The following ADGRL3 variants were observed in gnomAD, a reference collection of about 807,000 sequenced individuals.
The protein encoded by ADGRL3 is adhesion G protein-coupled receptor L3.
A neutral mutation model predicts 153.5 loss-of-function variants in ADGRL3; 62 were observed. That is an observed-to-expected ratio of 0.40 (90% CI 0.33 to 0.50). The LOEUF is 0.50. Ranked by LOEUF, ADGRL3 falls within the 20% of genes least tolerant of loss-of-function variation. The pLI is 0.47. For missense variants in ADGRL3, 1,641 were observed against 1,859.4 expected (o/e 0.88, Z 2.16); for synonymous variants, 710 against 672.5 (o/e 1.06, Z -0.86).
chr4:61,458,086 T>G (rs2097773387), intron 2 of ADGRL3, among the ~76,000 whole-genome samples: 1 of 151,858 alleles, frequency 6.6e-6, no homozygotes, highest in African/African-American at 2.4e-5. Context: ...AGCAACTACC[T>G]AAAAATAGAT....
intron 1 of ADGRL3, among the ~76,000 whole-genome samples, chr4:61,284,329 A>C (rs2093844458): frequency 6.6e-6 from 1 of 151,882 alleles, no homozygotes; most frequent in Admixed American, 6.6e-5. Flanking sequence ...CATAGACTCA[A>C]CTTCCTTAAC....
intron 4 of ADGRL3, among the ~76,000 whole-genome samples, chr4:61,544,833 A>G (rs2148693565): frequency 6.6e-6 from 1 of 152,196 alleles, no homozygotes; most frequent in East Asian, 1.9e-4. Context: ...TAAACTCTTT[A>G]TTCTCTTTCA....
chr4:61,449,137 T>A (rs2097642194), intron 2 of ADGRL3, among the ~76,000 whole-genome samples: 1 of 152,026 alleles, frequency 6.6e-6, no homozygotes, highest in South Asian at 2.1e-4. Flanking sequence ...TTTAATTTAA[T>A]TAATTAATTT....
At chr4:62,027,333 C>T (rs1043968386) in intron 21 of ADGRL3, among the ~76,000 whole-genome samples, 1 of 151,962 alleles carries the variant, frequency 6.6e-6, no homozygotes, top group Non-Finnish European at 1.5e-5. Flanking sequence ...TGTCCCCGTC[C>T]AGTACTGACC....
chr4:61,708,713 T>C (rs1241190292), intron 6 of ADGRL3, among the ~76,000 whole-genome samples: 2 of 152,092 alleles, frequency 1.3e-5, no homozygotes, highest in African/African-American at 4.8e-5. Context: ...GTATTTTCTA[T>C]TTATACGGGT....
chr4:61,911,022 A>G (rs1437854306), intron 12 of ADGRL3, among the ~76,000 whole-genome samples: 1 of 152,098 alleles, frequency 6.6e-6, no homozygotes, highest in Non-Finnish European at 1.5e-5. Context: ...TGCCCTTGAT[A>G]GAATCACAAC....
intron 1 of ADGRL3, among the ~76,000 whole-genome samples, chr4:61,214,101 CTT>C (rs1741490375): frequency 6.6e-6 from 1 of 152,224 alleles, no homozygotes; most frequent in Non-Finnish European, 1.5e-5. Context: ...TTTACTAACT[CTT>C]TGGTTATTCT....
chr4:61,456,434 T>G (rs761645230), intron 2 of ADGRL3, among the ~76,000 whole-genome samples: 28 of 123,772 alleles, frequency 2.3e-4, no homozygotes, highest in East Asian at 6.6e-4. Context: ...TATATCTATA[T>G]ATATAGATAT....
chr4:61,904,194 C>T (rs1370942341), intron 11 of ADGRL3, among the ~76,000 whole-genome samples: 1 of 94,472 alleles, frequency 1.1e-5, no homozygotes, highest in Admixed American at 1.1e-4. Context: ...AAAAAAAAAA[C>T]ACTTCTTGAA....
intron 2 of ADGRL3, among the ~76,000 whole-genome samples, chr4:61,456,317 A>C (rs528299448): frequency 6.7e-6 from 1 of 148,208 alleles, no homozygotes; most frequent in South Asian, 2.1e-4. Flanking sequence ...CTAGTTTCAC[A>C]TATATTTAAT....
At chr4:61,955,160 A>T (rs1281384118) in intron 17 of ADGRL3, among the ~76,000 whole-genome samples, 1 of 152,098 alleles carries the variant, frequency 6.6e-6, no homozygotes, top group East Asian at 1.9e-4. Context: ...TCCTATTTTG[A>T]TTATTTGTTC....
chr4:62,026,523 T>C (rs1342399622), intron 21 of ADGRL3, among the ~76,000 whole-genome samples: 11 of 152,112 alleles, frequency 7.2e-5, no homozygotes, highest in Non-Finnish European at 4.4e-5. Context: ...AATTGCACCC[T>C]GATATCTCTA....
intron 9 of ADGRL3, among the ~76,000 whole-genome samples, chr4:61,815,829 G>A (rs1324322299): frequency 6.6e-6 from 1 of 152,166 alleles, no homozygotes; most frequent in Non-Finnish European, 1.5e-5. Flanking sequence ...ACAGCAGGAG[G>A]TGCCATCTTG....
At chr4:61,671,213 T>C (rs2094983177) in intron 5 of ADGRL3, among the ~76,000 whole-genome samples, 1 of 152,222 alleles carries the variant, frequency 6.6e-6, no homozygotes, top group Admixed American at 6.5e-5. Flanking sequence ...TGCTCTATGT[T>C]GTGGCAAATA....
chr4:61,659,230 A>C (rs2094524423), intron 5 of ADGRL3, among the ~76,000 whole-genome samples: 1 of 152,122 alleles, frequency 6.6e-6, no homozygotes, highest in Non-Finnish European at 1.5e-5. Context: ...ATCTGCAACA[A>C]GTTTATTTCT....
Position 61,901,799 on chromosome 4 carries a change from T to C in ADGRL3, c.1887+5965T>C, listed in dbSNP as rs185027764. Among the ~76,000 whole-genome samples the C allele has an allele frequency of 4.4e-3, 672 of 152,276 alleles. 3 individuals are homozygous for C. The highest frequency in any genetic ancestry group is 0.016 in the African/African-American group (645 of 41,550). Reference sequence around the variant, plus strand: ...CATAATTATTATTTTTAACTAAAGCTACTGGGTTTTCCCTCCCTGATTCAA... The same window carrying C: ...CATAATTATTATTTTTAACTAAAGCCACTGGGTTTTCCCTCCCTGATTCAA... On this transcript the variant is annotated intron_variant, in intron 11 of 26. Transcript: ENST00000683033.
chr4:62,027,954 T>C (rs10517552), intron 21 of ADGRL3, among the ~76,000 whole-genome samples: 25,704 of 151,768 alleles, frequency 0.17, 2,899 homozygotes, highest in Middle Eastern at 0.24. Context: ...TTCTTTATTA[T>C]TTCATCATTC....
At chr4:61,723,307 C>A (rs544878129) in intron 6 of ADGRL3, among the ~76,000 whole-genome samples, 1 of 152,234 alleles carries the variant, frequency 6.6e-6, no homozygotes, top group South Asian at 2.1e-4. Context: ...GATATGGCTC[C>A]AATGACCGGA....
At chr4:61,439,277 AT>A (rs1275437971) in intron 2 of ADGRL3, among the ~76,000 whole-genome samples, 16 of 152,158 alleles carry the variant, frequency 1.1e-4, no homozygotes, top group Non-Finnish European at 1.5e-4. Flanking sequence ...GTACTTAGAA[AT>A]TTTTATAAGA....
Sources: gnomAD v4.1 joint callset for allele counts (sites outside exome capture counted in the v4.1 genomes callset) on GRCh38, gnomAD v4.1.1 for gene constraint, MANE v1.5 for transcripts, NCBI Gene and HGNC (gene_info 2026-07-23, HGNC 2026-07-21) for gene names.